NRXN1: variants seen among roughly 807,000 people sequenced by gnomAD.
NRXN1 encodes neurexin 1.
A neutral mutation model predicts 150.9 loss-of-function variants in NRXN1; 39 were observed. The ratio of observed to expected loss-of-function variants is 0.26; its 90% confidence interval spans 0.20 to 0.34. NRXN1 has a LOEUF of 0.34. NRXN1 is among the 10% of genes least tolerant of loss of function. The probability of loss-of-function intolerance (pLI) is 1.00; values close to 1 mark genes in which losing one functional copy is unlikely to be tolerated. For missense variants in NRXN1, 1,815 were observed against 1,949.9 expected, an observed-to-expected ratio of 0.93 and a Z score of 1.30; for synonymous variants, 924 against 757.0, an observed-to-expected ratio of 1.22 and a Z score of -3.62.
At chr2:50,639,309 C>T (rs894552299) in intron 5 of NRXN1, among the ~76,000 whole-genome samples, 5 of 150,672 alleles carry the variant, frequency 3.3e-5, no homozygotes, top group African/African-American at 9.8e-5. Context: ...CAATCTCCGC[C>T]TCCTGGGTTC....
chr2:50,300,349 T>C (rs1322241455), intron 17 of NRXN1, among the ~76,000 whole-genome samples: 7 of 152,296 alleles, frequency 4.6e-5, no homozygotes, highest in Non-Finnish European at 1.0e-4. Context: ...GCAAAACTAA[T>C]TTTCTCTTAT....
chr2:50,747,881 A>G (rs972530886), intron 5 of NRXN1, among the ~76,000 whole-genome samples: 2 of 152,108 alleles, frequency 1.3e-5, no homozygotes, highest in African/African-American at 2.4e-5. Context: ...AAGGCTCGCA[A>G]CCAGGAGAAG....
At chr2:50,441,639 CT>C (rs2085963873) in intron 17 of NRXN1, among the ~76,000 whole-genome samples, 1 of 152,050 alleles carries the variant, frequency 6.6e-6, no homozygotes, top group Non-Finnish European at 1.5e-5. Flanking sequence ...AACAAATCGT[CT>C]GTATAACTTG....
chr2:50,686,529 A>G (rs150555075), intron 5 of NRXN1, among the ~76,000 whole-genome samples: 3 of 152,350 alleles, frequency 2.0e-5, no homozygotes, highest in East Asian at 1.9e-4. Flanking sequence ...CTGCAAAAAC[A>G]CTACTGCTTG....
intron 8 of NRXN1, among the ~76,000 whole-genome samples, chr2:50,593,497 TAA>T (rs1220508748): frequency 6.6e-6 from 1 of 152,216 alleles, no homozygotes; most frequent in African/African-American, 2.4e-5. Context: ...CTATCAATTT[TAA>T]AAGCCATCAA....
chr2:50,929,325 A>G (rs1382647349), intron 2 of NRXN1, among the ~76,000 whole-genome samples: 1 of 152,090 alleles, frequency 6.6e-6, no homozygotes. Flanking sequence ...TATCACAAAA[A>G]TCTCCTTTCT....
At chr2:50,553,443 T>G (rs1035805226) in intron 8 of NRXN1, among the ~76,000 whole-genome samples, 1 of 152,214 alleles carries the variant, frequency 6.6e-6, no homozygotes, top group Non-Finnish European at 1.5e-5. Flanking sequence ...TTCCCATCAT[T>G]AAAGCATTTG....
In NRXN1 at chr2:50,053,454, A is replaced by G. The variant is rs199865876; in HGVS notation, c.3945T>C (p.Asp1315=). 6.2e-7 allele frequency: 1 copy of G among 1,614,014 alleles called. No individual in the cohort carries two copies. The highest frequency in any genetic ancestry group is 8.5e-7 in the Non-Finnish European group (1 of 1,179,934). Residue 1315 remains aspartate (D), a synonymous_variant, in exon 21 of 23, where the codon GAT becomes GAC. Transcript: ENST00000401669. ...LKVLNMAAEN[D]ANIAIVGNVR... ...CATTTCCCACTATGGCGATGTTGGCATCGTTTTCGGCTGCCATATTCAGAA... is the reference window on the plus strand; with the variant it reads ...CATTTCCCACTATGGCGATGTTGGCGTCGTTTTCGGCTGCCATATTCAGAA...
chr2:50,565,069 A>T (rs1669646766), intron 8 of NRXN1, among the ~76,000 whole-genome samples: 1 of 152,152 alleles, frequency 6.6e-6, no homozygotes, highest in African/African-American at 2.4e-5. Flanking sequence ...AAAAAATGCA[A>T]AGCCCAAATT....
At chr2:50,423,363 C>T (rs1237133652) in intron 17 of NRXN1, among the ~76,000 whole-genome samples, 2 of 152,116 alleles carry the variant, frequency 1.3e-5, no homozygotes. Flanking sequence ...ACACACCCTA[C>T]CTTGCCTGAC....
At chr2:50,319,718 GGCACCGTA>G (rs2075872613) in intron 17 of NRXN1, among the ~76,000 whole-genome samples, 1 of 150,968 alleles carries the variant, frequency 6.6e-6, no homozygotes, top group African/African-American at 2.4e-5. Flanking sequence ...GGCAGACAGT[GGCACCGTA>G]GCACCTCAAA....
chr2:50,745,848 C>A (rs575017297), intron 5 of NRXN1, among the ~76,000 whole-genome samples: 1 of 152,082 alleles, frequency 6.6e-6, no homozygotes, highest in Non-Finnish European at 1.5e-5. Flanking sequence ...CCCACTGGGT[C>A]CCTTTCATCA....
intron 8 of NRXN1, among the ~76,000 whole-genome samples, chr2:50,608,228 T>A (rs949802628): frequency 6.6e-6 from 1 of 152,228 alleles, no homozygotes; most frequent in Non-Finnish European, 1.5e-5. Flanking sequence ...TCGTGATCCA[T>A]AAAATAATTG....
chr2:49,966,618 T>A (rs17039582), intron 21 of NRXN1: 63,670 of 151,628 alleles, frequency 0.42, 13,767 homozygotes, highest in South Asian at 0.53. Context: ...AGGTATCAGA[T>A]GATTAAGCCA....
chr2:50,608,681 A>G (rs1677536019), intron 8 of NRXN1, among the ~76,000 whole-genome samples: 1 of 152,170 alleles, frequency 6.6e-6, no homozygotes, highest in Admixed American at 6.6e-5. Context: ...ATCACACCTT[A>G]TAGCCTGGAT....
intron 15 of NRXN1, among the ~76,000 whole-genome samples, chr2:50,494,150 A>G (rs939493559): frequency 5.3e-5 from 8 of 152,224 alleles, no homozygotes; most frequent in Non-Finnish European, 1.2e-4. Flanking sequence ...AAGAAATACA[A>G]TCCATTGTCT....
intron 20 of NRXN1, 144 bp downstream of exon 20, chr2:50,054,811 T>C: frequency 1.8e-6 from 1 of 550,270 alleles, no homozygotes; most frequent in Non-Finnish European, 3.2e-6. Flanking sequence ...CAAATATTAC[T>C]ATCTACATTT....
At chr2:50,249,794 T>A (rs967847807) in intron 17 of NRXN1, among the ~76,000 whole-genome samples, 1 of 151,984 alleles carries the variant, frequency 6.6e-6, no homozygotes, top group Non-Finnish European at 1.5e-5. Context: ...CGCGCCACTA[T>A]GGCTGTCAAA....
intron 5 of NRXN1, among the ~76,000 whole-genome samples, chr2:50,779,759 C>T (rs1704112500): frequency 6.6e-6 from 1 of 151,848 alleles, no homozygotes; most frequent in African/African-American, 2.4e-5. Flanking sequence ...CAGAGCCGGA[C>T]TCCGTCGCAA....
Sources: gnomAD v4.1 joint callset for allele counts (sites outside exome capture counted in the v4.1 genomes callset) on GRCh38, gnomAD v4.1.1 for gene constraint, MANE v1.5 for transcripts, NCBI Gene and HGNC (gene_info 2026-07-23, HGNC 2026-07-21) for gene names.